The following RANBP2 variants were observed in gnomAD, a reference collection of about 807,000 sequenced individuals.
RANBP2 encodes the protein RAN binding protein 2.
In RANBP2, 57 loss-of-function variants were observed where a neutral mutation model predicts 303.6. That is an observed-to-expected ratio of 0.19 (90% confidence interval 0.15 to 0.23). RANBP2 has a LOEUF of 0.23. Among genes scored for constraint, RANBP2 ranks in the 10% least tolerant of loss-of-function variants. The pLI, the probability that RANBP2 is intolerant of heterozygous loss-of-function variation, is 1.00. For synonymous variants in RANBP2, 1,167 were observed against 1,301.5 expected, an observed-to-expected ratio of 0.90 and a Z score of 2.23; for missense variants, 3,138 against 3,780.8, an observed-to-expected ratio of 0.83 and a Z score of 4.46.
the RANBP2 span, among the ~76,000 whole-genome samples, chr2:109,167,207 A>C: frequency 1.3e-5 from 2 of 152,256 alleles, no homozygotes; most frequent in Non-Finnish European, 2.9e-5. Flanking sequence ...TATTTTTAAA[A>C]AGGATGATGG....
the RANBP2 span, chr2:109,565,941 GAAT>G: frequency 4.0e-6 from 5 of 1,234,666 alleles, no homozygotes; most frequent in Non-Finnish European, 6.0e-6. Context: ...AGAGAGAAGA[GAAT>G]AATTAAATAA....
chr2:109,182,849 G>C, the RANBP2 span, among the ~76,000 whole-genome samples: 3 of 152,252 alleles, frequency 2.0e-5, no homozygotes, highest in African/African-American at 7.2e-5. Flanking sequence ...CTAATATATA[G>C]TTTATTTCCA....
the RANBP2 span, among the ~76,000 whole-genome samples, chr2:109,598,564 C>T: frequency 1.5e-4 from 23 of 151,816 alleles, no homozygotes; most frequent in African/African-American, 5.1e-4. Context: ...ATCGGGAGGC[C>T]GGGCGTGGTG....
At chr2:109,206,997 C>A in the RANBP2 span, among the ~76,000 whole-genome samples, 1 of 152,152 alleles carries the variant, frequency 6.6e-6, no homozygotes, top group Non-Finnish European at 1.5e-5. Context: ...TTTGGCTGAG[C>A]GCTGCATTTG....
At chr2:109,290,947 TGGGGTGCCCGGCA>T in the RANBP2 span, among the ~76,000 whole-genome samples, 1 of 152,260 alleles carries the variant, frequency 6.6e-6, no homozygotes, top group African/African-American at 2.4e-5. Flanking sequence ...ACTGTTTTCC[TGGGGTGCCCGGCA>T]ATATGCCGGG....
chr2:109,199,330 A>ATAAAATAAAT, the RANBP2 span, among the ~76,000 whole-genome samples: 10 of 150,568 alleles, frequency 6.6e-5, no homozygotes, highest in East Asian at 3.9e-4. Flanking sequence ...TCAAAAAGTA[A>ATAAAATAAAT]AATGGAATGG....
At chr2:108,988,499 G>T in the RANBP2 span, among the ~76,000 whole-genome samples, 1 of 152,056 alleles carries the variant, frequency 6.6e-6, no homozygotes, top group Non-Finnish European at 1.5e-5. Context: ...TCTCAGACAC[G>T]ACTGGAAACC....
chr2:108,826,026 T>C, the RANBP2 span, among the ~76,000 whole-genome samples: 1 of 152,254 alleles, frequency 6.6e-6, no homozygotes. Context: ...CATCATTTCA[T>C]GTGCTTGTTG....
At chr2:109,394,163 C>G in the RANBP2 span, among the ~76,000 whole-genome samples, 1 of 152,208 alleles carries the variant, frequency 6.6e-6, no homozygotes, top group East Asian at 1.9e-4. Flanking sequence ...GTTTTTCTTA[C>G]CTTTCTAGAC....
chr2:108,762,829 T>C (rs372886640), intron 19 of RANBP2, among the ~76,000 whole-genome samples: 4 of 137,818 alleles, frequency 2.9e-5, no homozygotes, highest in African/African-American at 5.2e-5. Flanking sequence ...TCATCATCAT[T>C]AACATCATTT....
At chr2:109,535,340 C>T in the RANBP2 span, among the ~76,000 whole-genome samples, 1 of 152,190 alleles carries the variant, frequency 6.6e-6, no homozygotes, top group East Asian at 1.9e-4. Flanking sequence ...AACACCAAGA[C>T]CTAAAAATGC....
chr2:109,549,104 T>G, the RANBP2 span, among the ~76,000 whole-genome samples: 1 of 152,200 alleles, frequency 6.6e-6, no homozygotes, highest in African/African-American at 2.4e-5. Context: ...ATGTTAGGTA[T>G]GTGTGTGTGT....
the RANBP2 span, among the ~76,000 whole-genome samples, chr2:108,805,858 A>G: frequency 1.3e-5 from 2 of 152,194 alleles, no homozygotes; most frequent in East Asian, 3.8e-4. Flanking sequence ...GTAAAGGAGT[A>G]TGTTAAAGAG....
the RANBP2 span, among the ~76,000 whole-genome samples, chr2:109,730,519 CAGAG>C: frequency 3.3e-5 from 5 of 152,254 alleles, no homozygotes; most frequent in African/African-American, 7.2e-5. Context: ...GAAGCAGAGA[CAGAG>C]AGAAGTAAAA....
the RANBP2 span, among the ~76,000 whole-genome samples, chr2:109,189,517 C>A: frequency 2.0e-5 from 3 of 152,026 alleles, no homozygotes; most frequent in Admixed American, 2.0e-4. Context: ...TACAGGCACA[C>A]ACCACCACGC....
the RANBP2 span, among the ~76,000 whole-genome samples, chr2:109,658,572 C>T: frequency 6.6e-6 from 1 of 152,176 alleles, no homozygotes; most frequent in Non-Finnish European, 1.5e-5. Context: ...CTTATTAAAA[C>T]CATTCAGAAA....
At chr2:109,629,302 G>GATATATATATATATATAT in the RANBP2 span, among the ~76,000 whole-genome samples, 1 of 77,704 alleles carries the variant, frequency 1.3e-5, no homozygotes, top group Non-Finnish European at 2.2e-5. Flanking sequence ...CTGGCCTAAA[G>GATATATATATATATATAT]ATATATATAT....
chr2:109,590,493 G>A, the RANBP2 span, among the ~76,000 whole-genome samples: 2 of 151,654 alleles, frequency 1.3e-5, no homozygotes, highest in Admixed American at 1.3e-4. Flanking sequence ...GTGCAATGAT[G>A]TGGTCTCAGC....
At chr2:109,277,502 T>G in the RANBP2 span, among the ~76,000 whole-genome samples, 1 of 152,226 alleles carries the variant, frequency 6.6e-6, no homozygotes, top group Admixed American at 6.5e-5. Flanking sequence ...CTGCTGCATC[T>G]CCGAGCAGTC....
Sources: gnomAD v4.1 joint callset for allele counts (sites outside exome capture counted in the v4.1 genomes callset) on GRCh38, gnomAD v4.1.1 for gene constraint, MANE v1.5 for transcripts, NCBI Gene and HGNC (gene_info 2026-07-23, HGNC 2026-07-21) for gene names.